SCLT1: variants seen among roughly 807,000 people sequenced by gnomAD.
The protein encoded by SCLT1 is sodium channel and clathrin linker 1, also known as sodium channel-associated protein 1.
SCLT1 carries 78 observed loss-of-function variants against 112.8 expected under a neutral mutation model. That is an observed-to-expected ratio of 0.69 (90% CI 0.58 to 0.83). SCLT1 has a LOEUF of 0.83. Among genes scored for constraint, SCLT1 ranks in the 40% least tolerant of loss-of-function variants. The pLI is 0.00. For synonymous variants in SCLT1, 257 were observed against 254.7 expected (o/e 1.01, Z -0.09); for missense variants, 747 against 770.4 (o/e 0.97, Z 0.36).
intron 6 of SCLT1, among the ~76,000 whole-genome samples, chr4:129,002,429 A>T (rs1327367951): frequency 6.6e-6 from 1 of 152,138 alleles, no homozygotes; most frequent in Non-Finnish European, 1.5e-5. Context: ...TCTAGAAGAA[A>T]TATAATGTTA....
At chr4:128,941,200 T>C (rs1018040009) in intron 17 of SCLT1, among the ~76,000 whole-genome samples, 8 of 152,072 alleles carry the variant, frequency 5.3e-5, no homozygotes, top group Admixed American at 1.3e-4. Context: ...AAGATGAGAT[T>C]TGGGTAGGAA....
intron 18 of SCLT1, among the ~76,000 whole-genome samples, chr4:128,902,591 A>G (rs1020704536): frequency 2.0e-5 from 3 of 152,196 alleles, no homozygotes; most frequent in African/African-American, 7.2e-5. Context: ...TGGAGCCTGC[A>G]GGACTGGAAG....
intron 5 of SCLT1, chr4:129,036,468 C>A (rs191913544): frequency 9.9e-5 from 15 of 151,900 alleles, no homozygotes; most frequent in Admixed American, 3.9e-4. Context: ...TTATAATATT[C>A]TTTACTAGGA....
At chr4:129,032,385 C>T (rs1746802172) in intron 5 of SCLT1, among the ~76,000 whole-genome samples, 1 of 151,940 alleles carries the variant, frequency 6.6e-6, no homozygotes, top group African/African-American at 2.4e-5. Context: ...CCATAAAAAC[C>T]CTAGAAGAAA....
In SCLT1 at chr4:128,943,034, T is replaced by C. The variant is rs1737841570; in HGVS notation, c.1594A>G (p.Lys532Glu). 1 of 1,612,772 alleles carries C rather than the reference T, an allele frequency of 6.2e-7. No homozygotes were observed. The highest frequency in any genetic ancestry group is 1.3e-5 in the African/African-American group (1 of 74,862). ...TTTTTTTGAGCCTCCAGGGCAATCT[T>C]CCTTAAACTCTCAGTCTCTTTCCGT... The part of the protein sequence containing the change: ...QLRKETESLR[K>E]IALEAQKKAK... The change falls in exon 17 of 21, where the codon AAG (lysine) becomes GAG (glutamate). Residue 532 changes from lysine (K) to glutamate (E), a missense_variant. Lys to Glu is a moderately conservative substitution (Grantham distance 56, BLOSUM62 1). Transcript: ENST00000281142.
rs371099240 is a variant in SCLT1, at chr4:128,995,431, T to C, written c.615+2443A>G. On this transcript the variant is annotated intron_variant, in intron 8 of 20. Transcript: ENST00000281142. ...CCCTATCAGGTAATTCATAACTTCT[T>C]TTCATTAGGATTGGTTTCTGGAGAT... 1.3e-4 allele frequency among the ~76,000 whole-genome samples: 20 copies of C among 152,266 alleles called. 1 individual carries two copies. The highest frequency in any genetic ancestry group is 9.8e-4 in the Admixed American group (15 of 15,278).
At position 129,066,475 on chromosome 4, in the gene SCLT1, T is replaced by C. The variant is rs139277817; in HGVS notation, c.102+15831A>G. 8.9e-4 allele frequency among the ~76,000 whole-genome samples: 136 copies of C among 152,148 alleles called. 1 individual carries two copies. The East Asian group carries it at 0.024, about 26-fold the overall frequency. ...CACTCTTATAGACCATGAATTAGAA[T>C]GAAAATTATTGCAACCACCTCCAGC... On this transcript the variant is annotated intron_variant, in intron 2 of 20. Coordinates refer to ENST00000281142, the MANE Select transcript of SCLT1 (RefSeq NM_144643.4).
At chr4:129,086,131 T>C (rs1481064851) in intron 1 of SCLT1, among the ~76,000 whole-genome samples, 1 of 152,042 alleles carries the variant, frequency 6.6e-6, no homozygotes, top group Non-Finnish European at 1.5e-5. Context: ...GTAATTAAAA[T>C]AGGATAAGAA....
chr4:129,049,372 C>T (rs533521792), intron 2 of SCLT1, among the ~76,000 whole-genome samples: 36 of 151,070 alleles, frequency 2.4e-4, no homozygotes, highest in Non-Finnish European at 1.8e-4. Flanking sequence ...AGCAAACTAT[C>T]GCAAGGACAA....
At chr4:128,967,458 T>A (rs773905958) in intron 10 of SCLT1, among the ~76,000 whole-genome samples, 2 of 152,210 alleles carry the variant, frequency 1.3e-5, no homozygotes, top group Non-Finnish European at 2.9e-5. Flanking sequence ...GCTGAACTAG[T>A]TTCCATTCCC....
chr4:128,891,057 A>C lies in SCLT1; in HGVS notation c.1908+2T>G. The C allele has an allele frequency of 1.9e-6, 3 of 1,605,884 alleles. No homozygotes were observed. Among genetic ancestry groups the C allele is most frequent in the Non-Finnish European group, 2.6e-6 (3 of 1,172,924 alleles). On this transcript the variant is annotated splice_donor_variant, in intron 19 of 20. Transcript: ENST00000281142. LOFTEE classifies it high-confidence loss of function. ...CACTTCCCAGGGGAGTCATTATCTC[A>C]CCTCAGCTACCTTTTCATTTGCCAT...
At chr4:129,003,254 G>C (rs1370483197) in intron 6 of SCLT1, among the ~76,000 whole-genome samples, 1 of 151,862 alleles carries the variant, frequency 6.6e-6, no homozygotes, top group African/African-American at 2.4e-5. Flanking sequence ...TGGACACAGG[G>C]AGGGGAACAT....
chr4:129,038,217 A>C lies in SCLT1; in HGVS notation c.290+824T>G, dbSNP rs116318406. 5.4e-3 allele frequency: 840 copies of C among 154,254 alleles called. 8 individuals carry two copies. The highest frequency in any genetic ancestry group is 0.019 in the African/African-American group (786 of 41,642). 9.6% of individuals were successfully genotyped at this position (154,254 alleles called of 1,614,324 possible). ...AAAGTATTTAACAGTCAAAATGATG[A>C]AAATTAAGCTTAACAAGAGCTACAG... On this transcript the variant is annotated intron_variant, in intron 5 of 20. Coordinates refer to ENST00000281142, the MANE Select transcript of SCLT1 (RefSeq NM_144643.4).
intron 5 of SCLT1, chr4:128,874,040 C>T (rs1379979154): frequency 6.6e-6 from 1 of 152,578 alleles, no homozygotes; most frequent in African/African-American, 2.4e-5. Context: ...TTTAGATTGA[C>T]TGACTATTTT....
At chr4:129,051,154 A>G (rs1748751173) in intron 2 of SCLT1, among the ~76,000 whole-genome samples, 1 of 152,034 alleles carries the variant, frequency 6.6e-6, no homozygotes, top group East Asian at 1.9e-4. Context: ...GAAGTCAGGT[A>G]GCATGATGCC....
chr4:128,984,778 C>T (rs1741948476), intron 9 of SCLT1, among the ~76,000 whole-genome samples: 1 of 152,018 alleles, frequency 6.6e-6, no homozygotes, highest in South Asian at 2.1e-4. Flanking sequence ...ATTCCATGAC[C>T]TATTATCATT....
At chr4:128,975,795 AAAATCACTACTGCTTTTAGG>A (rs1418896518) in intron 9 of SCLT1, among the ~76,000 whole-genome samples, 1 of 152,208 alleles carries the variant, frequency 6.6e-6, no homozygotes, top group East Asian at 1.9e-4. Context: ...CTAAACTTTT[AAAATCACTACTGCTTTTAGG>A]AAACTGAGTA....
chr4:129,004,735 A>G (rs1466993597), intron 5 of SCLT1, among the ~76,000 whole-genome samples: 3 of 151,854 alleles, frequency 2.0e-5, no homozygotes, highest in Non-Finnish European at 4.4e-5. Flanking sequence ...CTCCTTTGAA[A>G]CAAGAAAACT....
At chr4:128,941,636 G>T (rs1281916072) in intron 17 of SCLT1, among the ~76,000 whole-genome samples, 1 of 151,918 alleles carries the variant, frequency 6.6e-6, no homozygotes, top group Non-Finnish European at 1.5e-5. Flanking sequence ...TCTTAATGGT[G>T]TCTTTTGGTG....
Sources: gnomAD v4.1 joint callset for allele counts (sites outside exome capture counted in the v4.1 genomes callset) on GRCh38, gnomAD v4.1.1 for gene constraint, MANE v1.5 for transcripts, NCBI Gene and HGNC (gene_info 2026-07-23, HGNC 2026-07-21) for gene names.